The following PAFAH1B1 variants were observed in gnomAD, a reference collection of about 807,000 sequenced individuals.
PAFAH1B1 encodes platelet-activating factor acetylhydrolase IB subunit beta.
A neutral mutation model predicts 57.5 loss-of-function variants in PAFAH1B1; 2 were observed. The observed-to-expected ratio is 0.03, with a 90% CI of 0.01 to 0.11. The LOEUF (loss-of-function observed/expected upper bound fraction) is 0.11. PAFAH1B1 is among the 10% of genes least tolerant of loss of function. The pLI, the probability that PAFAH1B1 is intolerant of heterozygous loss-of-function variation, is 1.00. For missense variants in PAFAH1B1, 257 were observed against 512.0 expected, an observed-to-expected ratio of 0.50 and a Z score of 4.81; for synonymous variants, 152 against 169.6, an observed-to-expected ratio of 0.90 and a Z score of 0.81.
In PAFAH1B1 at chr17:2,672,551, G is replaced by A. The variant is rs1004483385; in HGVS notation, c.569-104G>A. ...ATAAAATCCAGTGTATTTAGAACTT[G>A]CTTTGACATAGTGAAACCCCATGGT... is the stretch of plus-strand genomic sequence containing the variant. On this transcript the variant is annotated intron_variant, in intron 6 of 10. Coordinates refer to ENST00000397195, the MANE Select transcript of PAFAH1B1 (RefSeq NM_000430.4). The A allele has an allele frequency of 2.9e-5, 23 of 780,190 alleles. No homozygotes were observed. The African/African-American group carries it at 3.6e-4, about 12-fold the overall frequency. 48.3% of individuals were successfully genotyped at this position (780,190 alleles called of 1,614,324 possible).
chr17:2,665,492 ATGAG>A (rs748754704), intron 3 of PAFAH1B1, 36 bp downstream of exon 3: 1 of 1,192,288 alleles, frequency 8.4e-7, no homozygotes, highest in Non-Finnish European at 1.3e-6. Context: ...AGTATAGTTA[ATGAG>A]TGGATTTTCA....
chr17:2,667,290 C>T (rs1388424688), intron 5 of PAFAH1B1, 92 bp downstream of exon 5: 33 of 873,400 alleles, frequency 3.8e-5, no homozygotes, highest in Non-Finnish European at 5.5e-5. Context: ...GCCGAGATTG[C>T]ACCACTGCAC....
Position 2,638,161 on chromosome 17 carries a change from T to C in PAFAH1B1, c.-128T>C. ...CTAGTTGGATTCATTTGTGAAAGAA[T>C]CATTTTCCCCTGTGTGGAAGACACT... On this transcript the variant is annotated 5_prime_UTR_variant, in exon 2 of 11. Transcript: ENST00000397195. 1.5e-6 allele frequency: 1 copy of C among 669,438 alleles called. No individual in the cohort carries two copies. Among genetic ancestry groups the C allele is most frequent in the Non-Finnish European group, 2.6e-6 (1 of 377,808 alleles). The allele number at this position is 669,438 out of a possible 1,614,324, so 41.5% of individuals were successfully genotyped here.
At chr17:2,664,665 G>GCTCGCTCGCTCTCTCTCT (rs1555526142) in intron 2 of PAFAH1B1, among the ~76,000 whole-genome samples, 6 of 86,084 alleles carry the variant, frequency 7.0e-5, no homozygotes, top group African/African-American at 2.3e-4. Flanking sequence ...TCTATCTATC[G>GCTCGCTCGCTCTCTCTCT]CTCTCTCTCT....
intron 1 of PAFAH1B1, among the ~76,000 whole-genome samples, chr17:2,595,752 A>T (rs1351954444): frequency 6.6e-6 from 1 of 152,178 alleles, no homozygotes; most frequent in African/African-American, 2.4e-5. Context: ...CCTAAAAGAA[A>T]TTGAAGGCTG....
intron 2 of PAFAH1B1, among the ~76,000 whole-genome samples, chr17:2,663,594 G>A (rs552530456): frequency 2.6e-5 from 4 of 151,978 alleles, no homozygotes; most frequent in Admixed American, 1.3e-4. Flanking sequence ...TTTTAGTAAC[G>A]GTAGTACACC....
chr17:2,601,266 C>G (rs1384737142), intron 1 of PAFAH1B1, among the ~76,000 whole-genome samples: 1 of 151,936 alleles, frequency 6.6e-6, no homozygotes, highest in Admixed American at 6.6e-5. Context: ...TTCTGAATAG[C>G]TGGGATTACA....
In PAFAH1B1 at chr17:2,682,826, A is replaced by G. The variant is rs1597583047; in HGVS notation, c.*1024A>G. The G allele has an allele frequency of 1.3e-5, 2 of 152,650 alleles. No individual in the cohort carries two copies. The highest frequency in any genetic ancestry group is 3.8e-4 in the East Asian group (2 of 5,206). The allele number at this position is 152,650 out of a possible 1,614,324, so 9.5% of individuals were successfully genotyped here. ...TTGATTTAAACTGTGTTTCACTTAC[A>G]AGTTTTAAAAAAATGACAGGGTTTA... On this transcript the variant is annotated 3_prime_UTR_variant, in exon 11 of 11. Transcript: ENST00000397195.
chr17:2,612,653 A>G (rs1217439078), intron 1 of PAFAH1B1, among the ~76,000 whole-genome samples: 7 of 152,170 alleles, frequency 4.6e-5, no homozygotes, highest in Admixed American at 3.9e-4. Context: ...CTGTCCCCCA[A>G]GCTGGAGTCC....
At chr17:2,676,671 C>CTA (rs997656448) in intron 9 of PAFAH1B1, 65 bp downstream of exon 9, 7 of 910,900 alleles carry the variant, frequency 7.7e-6, no homozygotes, top group African/African-American at 1.6e-5. Flanking sequence ...TGGATTAATG[C>CTA]TTTATGATAT....
chr17:2,645,607 T>TTATA (rs547321119), intron 2 of PAFAH1B1, among the ~76,000 whole-genome samples: 69 of 141,676 alleles, frequency 4.9e-4, no homozygotes, highest in Admixed American at 2.6e-3. Context: ...ATATATATAT[T>TTATA]TATATATATA....
chr17:2,631,254 G>A (rs1008066962), intron 1 of PAFAH1B1, among the ~76,000 whole-genome samples: 9 of 151,646 alleles, frequency 5.9e-5, no homozygotes, highest in Non-Finnish European at 1.2e-4. Flanking sequence ...AAAAAAAAAA[G>A]AAAGAAAAAG....
At chr17:2,608,508 A>C (rs2068230986) in intron 1 of PAFAH1B1, among the ~76,000 whole-genome samples, 1 of 152,202 alleles carries the variant, frequency 6.6e-6, no homozygotes, top group African/African-American at 2.4e-5. Context: ...AGATGATATG[A>C]TGTGTTTACT....
At chr17:2,630,860 A>AT (rs2068546893) in intron 1 of PAFAH1B1, among the ~76,000 whole-genome samples, 2 of 152,218 alleles carry the variant, frequency 1.3e-5, no homozygotes, top group East Asian at 3.9e-4. Context: ...CAAGCTGGTA[A>AT]TTGAAAATAG....
intron 1 of PAFAH1B1, among the ~76,000 whole-genome samples, chr17:2,633,564 C>G (rs2068583451): frequency 6.6e-6 from 1 of 151,842 alleles, no homozygotes; most frequent in Admixed American, 6.6e-5. Context: ...AGAAAAACTG[C>G]TTTTCAATAT....
rs2068421993 is a variant in PAFAH1B1 at position 2,621,605 on chromosome 17, G to GT, written c.-190-16493dup. ...GCTATTCAAGCATGGTAGATAATCT[G>GT]TCTTTTTTTTTTTTTTTTTTTTTTT... is the stretch of plus-strand genomic sequence containing the variant. On this transcript the variant is annotated intron_variant, in intron 1 of 10. Transcript: ENST00000397195. 5.4e-5 allele frequency among the ~76,000 whole-genome samples: 5 copies of GT among 93,208 alleles called. 1 individual carries two copies. Among genetic ancestry groups the GT allele is most frequent in the African/African-American group, 1.4e-4 (3 of 21,296 alleles). The allele number at this position is 93,208 out of a possible 152,430, so 61.1% of individuals were successfully genotyped here.
At chr17:2,621,607 CTTTTTTTTTTTTTTT>C (rs534219431) in intron 1 of PAFAH1B1, among the ~76,000 whole-genome samples, 11,201 of 84,112 alleles carry the variant, frequency 0.13, 505 homozygotes, top group South Asian at 0.27. Flanking sequence ...GATAATCTGT[CTTTTTTTTTTTTTTT>C]TTTTTTTTTT....
intron 2 of PAFAH1B1, chr17:2,642,548 A>G (rs1300509079): frequency 6.6e-6 from 1 of 152,220 alleles, no homozygotes; most frequent in African/African-American, 2.4e-5. Context: ...AATATTCCAT[A>G]ATTTAGAAAA....
At chr17:2,673,594 G>A (rs1003768396) in intron 7 of PAFAH1B1, 13 of 166,214 alleles carry the variant, frequency 7.8e-5, no homozygotes, top group East Asian at 3.4e-4. Context: ...AGCCGAGATC[G>A]CGCCACTGCA....
Sources: allele counts gnomAD v4.1 joint callset (sites outside exome capture counted in the v4.1 genomes callset), GRCh38; gene constraint gnomAD v4.1.1; transcripts MANE v1.5; gene names NCBI Gene and HGNC (gene_info 2026-07-23, HGNC 2026-07-21).